Variants in KIAA1328 observed in about 807,000 individuals in gnomAD.
KIAA1328 encodes the protein KIAA1328, also known as protein hinderin.
Under a neutral mutation model 68.1 loss-of-function variants are expected in KIAA1328, and 52 were observed. The observed-to-expected ratio is 0.76, with a 90% CI of 0.61 to 0.96. The LOEUF is 0.96. Among genes scored for constraint, KIAA1328 ranks in the 40% least tolerant of loss-of-function variants. The pLI is 0.00. For synonymous variants in KIAA1328, 232 were observed against 239.4 expected, an observed-to-expected ratio of 0.97 and a Z score of 0.28; for missense variants, 641 against 677.6, an observed-to-expected ratio of 0.95 and a Z score of 0.60.
intron 6 of KIAA1328, among the ~76,000 whole-genome samples, chr18:36,965,351 G>A (rs1251311465): frequency 6.6e-6 from 1 of 151,710 alleles, no homozygotes; most frequent in African/African-American, 2.4e-5. Flanking sequence ...ATGTACTAAA[G>A]ATGGGTCATT....
At chr18:37,055,493 G>A (rs996681820) in intron 6 of KIAA1328, among the ~76,000 whole-genome samples, 1 of 152,188 alleles carries the variant, frequency 6.6e-6, no homozygotes. Flanking sequence ...TGCCAGCAGA[G>A]GAGAGTTAAT....
intron 6 of KIAA1328, among the ~76,000 whole-genome samples, chr18:37,003,961 C>T (rs1228679115): frequency 6.6e-6 from 1 of 151,994 alleles, no homozygotes; most frequent in Non-Finnish European, 1.5e-5. Flanking sequence ...ATTTTTATAC[C>T]AGTAGCATGC....
chr18:36,982,406 C>T (rs1314961369), intron 6 of KIAA1328, among the ~76,000 whole-genome samples: 4 of 151,184 alleles, frequency 2.6e-5, no homozygotes, highest in Admixed American at 1.3e-4. Context: ...AAAAAAAATA[C>T]ATGTTGCATA....
At chr18:36,847,675 T>A (rs950498763) in intron 4 of KIAA1328, among the ~76,000 whole-genome samples, 5 of 151,630 alleles carry the variant, frequency 3.3e-5, no homozygotes, top group African/African-American at 1.2e-4. Context: ...TGCGTTTTAT[T>A]CTCAGTCTGC....
At chr18:37,208,718 T>C (rs896638909) in intron 9 of KIAA1328, among the ~76,000 whole-genome samples, 1 of 152,190 alleles carries the variant, frequency 6.6e-6, no homozygotes, top group African/African-American at 2.4e-5. Context: ...AAAGGAAGCA[T>C]TGACCTGAAG....
rs1017348930 is a variant in KIAA1328 at position 36,871,933 on chromosome 18, T to C, written c.333-13624T>C. Among the ~76,000 whole-genome samples the C allele has an allele frequency of 5.9e-5, 9 of 152,196 alleles. No homozygotes were observed. The South Asian group carries it at 6.2e-4, about 11-fold the overall frequency. On this transcript the variant is annotated intron_variant, in intron 4 of 9. Coordinates refer to ENST00000280020, the MANE Select transcript of KIAA1328 (RefSeq NM_020776.3). ...CAAATATGGGAGAGCTTGAACTCTCTTGCAGGCTTTTTCTTCTTAGGCCCC... is the reference window on the plus strand; with the variant it reads ...CAAATATGGGAGAGCTTGAACTCTCCTGCAGGCTTTTTCTTCTTAGGCCCC...
chr18:37,109,432 A>G (rs570838574), intron 7 of KIAA1328, among the ~76,000 whole-genome samples: 8 of 152,160 alleles, frequency 5.3e-5, no homozygotes, highest in Non-Finnish European at 7.3e-5. Flanking sequence ...TAATAACTAC[A>G]TGTTTTTGTC....
chr18:36,946,078 A>G (rs909304318), intron 5 of KIAA1328, among the ~76,000 whole-genome samples: 2 of 152,210 alleles, frequency 1.3e-5, no homozygotes, highest in African/African-American at 4.8e-5. Flanking sequence ...GAGTATTTCT[A>G]ATTTTGGATT....
At chr18:37,024,808 T>C (rs1235657331) in intron 6 of KIAA1328, among the ~76,000 whole-genome samples, 1 of 152,194 alleles carries the variant, frequency 6.6e-6, no homozygotes, top group African/African-American at 2.4e-5. Flanking sequence ...TCCAAGTCTT[T>C]GCTATTGTGA....
intron 3 of KIAA1328, among the ~76,000 whole-genome samples, chr18:36,840,986 A>G (rs953208993): frequency 2.0e-5 from 3 of 152,154 alleles, no homozygotes; most frequent in Non-Finnish European, 2.9e-5. Flanking sequence ...CAGGAGAGGA[A>G]AAGAAGGAAG....
intron 7 of KIAA1328, among the ~76,000 whole-genome samples, chr18:37,116,549 A>G (rs1390777500): frequency 6.6e-6 from 1 of 152,254 alleles, no homozygotes; most frequent in Non-Finnish European, 1.5e-5. Context: ...ACCTAACACT[A>G]TAAAAACCCT....
chr18:36,978,814 T>G (rs1450493753), intron 6 of KIAA1328, among the ~76,000 whole-genome samples: 1 of 152,212 alleles, frequency 6.6e-6, no homozygotes, highest in African/African-American at 2.4e-5. Flanking sequence ...GCATTTGAGT[T>G]TTTAAAGACA....
rs112710307 is a variant in KIAA1328, at chr18:37,063,573, G to T, written c.577-3317G>T. ...TAATAAAAGTTGCGTACACTAGGGG[G>T]TGAGAATCACGGGGAGCATCTTAGA... On this transcript the variant is annotated intron_variant, in intron 6 of 9. Coordinates refer to ENST00000280020, the MANE Select transcript of KIAA1328 (RefSeq NM_020776.3). 86 of 919,170 alleles carry T rather than the reference G, an allele frequency of 9.4e-5. 1 individual carries two copies. The African/African-American group carries it at 1.4e-3, about 15-fold the overall frequency. The allele number at this position is 919,170 out of a possible 1,614,324, so 56.9% of individuals were successfully genotyped here.
chr18:37,027,804 A>T (rs540811999), intron 6 of KIAA1328, among the ~76,000 whole-genome samples: 1 of 152,246 alleles, frequency 6.6e-6, no homozygotes, highest in African/African-American at 2.4e-5. Flanking sequence ...GGACATAGGC[A>T]TGGGCAAGGA....
At chr18:36,855,341 T>G (rs2047348162) in intron 4 of KIAA1328, among the ~76,000 whole-genome samples, 1 of 152,226 alleles carries the variant, frequency 6.6e-6, no homozygotes, top group South Asian at 2.1e-4. Flanking sequence ...TATTATATTA[T>G]AGCTATCTTA....
At position 36,868,509 on chromosome 18, in the gene KIAA1328, A is replaced by G. The variant is rs149141635; in HGVS notation, c.333-17048A>G. Among the ~76,000 whole-genome samples, 221 of 152,324 alleles carry G rather than the reference A, an allele frequency of 1.5e-3. 2 individuals carry two copies. Among genetic ancestry groups the G allele is most frequent in the Middle Eastern group, 0.014 (4 of 294 alleles). On this transcript the variant is annotated intron_variant, in intron 4 of 9. Coordinates refer to ENST00000280020, the MANE Select transcript of KIAA1328 (RefSeq NM_020776.3). ...TGCTGAAAGACGCTGATAATTCTCT[A>G]TACATGCATTTGCATTTTGTTACTG...
chr18:36,845,136 A>G (rs1484233139), intron 4 of KIAA1328, among the ~76,000 whole-genome samples: 2 of 151,794 alleles, frequency 1.3e-5, no homozygotes, highest in African/African-American at 4.8e-5. Flanking sequence ...AAAGATGACT[A>G]TAAAAAAGTG....
At chr18:36,962,944 C>G (rs1424912250) in intron 6 of KIAA1328, among the ~76,000 whole-genome samples, 1 of 152,030 alleles carries the variant, frequency 6.6e-6, no homozygotes, top group African/African-American at 2.4e-5. Flanking sequence ...CAAAAGCTAG[C>G]AGAAGGCAAG....
At chr18:37,229,349 A>G (rs1170727197), downstream of KIAA1328, among the ~76,000 whole-genome samples, 1 of 152,186 alleles carries the variant, frequency 6.6e-6, no homozygotes, top group Non-Finnish European at 1.5e-5. Context: ...ATCCCATTAT[A>G]TGGGTTATTC....
Sources: allele counts gnomAD v4.1 joint callset (sites outside exome capture counted in the v4.1 genomes callset), GRCh38; gene constraint gnomAD v4.1.1; transcripts MANE v1.5; gene names NCBI Gene and HGNC (gene_info 2026-07-23, HGNC 2026-07-21).